EDIL3: variants seen among roughly 807,000 people sequenced by gnomAD.
The protein encoded by EDIL3 is EGF like and discoidin domains 3.
In EDIL3, 37 loss-of-function variants were observed where a neutral mutation model predicts 67.4. That is an observed-to-expected ratio of 0.55 (90% CI 0.42 to 0.72). The LOEUF is 0.72. Among genes scored for constraint, EDIL3 ranks in the 30% least tolerant of loss-of-function variants. The probability of loss-of-function intolerance (pLI) is 0.00; values close to 1 mark genes in which losing one functional copy is unlikely to be tolerated. For synonymous variants in EDIL3, 195 were observed against 196.3 expected, an observed-to-expected ratio of 0.99 and a Z score of 0.05; for missense variants, 527 against 586.3, an observed-to-expected ratio of 0.90 and a Z score of 1.04.
intron 9 of EDIL3, among the ~76,000 whole-genome samples, chr5:83,981,439 A>C (rs1744968916): frequency 6.6e-6 from 1 of 152,128 alleles, no homozygotes; most frequent in East Asian, 1.9e-4. Flanking sequence ...TTTGTAATTT[A>C]ATAAAACAGT....
intron 3 of EDIL3, among the ~76,000 whole-genome samples, chr5:84,188,878 G>T (rs75666346): frequency 0.021 from 3,208 of 152,066 alleles, 115 homozygotes; most frequent in African/African-American, 0.072. Flanking sequence ...AATTTCTGTT[G>T]TTTGATCTAC....
chr5:84,219,254 G>C (rs1176727650), intron 3 of EDIL3, among the ~76,000 whole-genome samples: 1 of 152,074 alleles, frequency 6.6e-6, no homozygotes, highest in Non-Finnish European at 1.5e-5. Context: ...AATAATGAGG[G>C]GAATTTTGGA....
intron 1 of EDIL3, among the ~76,000 whole-genome samples, chr5:84,338,039 T>C (rs1747025185): frequency 6.6e-6 from 1 of 152,296 alleles, no homozygotes; most frequent in African/African-American, 2.4e-5. Context: ...AGTGATCAAA[T>C]AATTGGGCAT....
intron 6 of EDIL3, among the ~76,000 whole-genome samples, chr5:84,090,808 C>T (rs887122354): frequency 4.6e-5 from 7 of 151,524 alleles, no homozygotes; most frequent in Non-Finnish European, 8.8e-5. Context: ...AATAGCTGGG[C>T]GTGGTGGTGC....
intron 4 of EDIL3, among the ~76,000 whole-genome samples, chr5:84,145,652 T>C (rs960140053): frequency 6.6e-5 from 10 of 152,126 alleles, no homozygotes; most frequent in African/African-American, 2.4e-4. Flanking sequence ...GGTAGTAGGA[T>C]GGCTATAATC....
intron 1 of EDIL3, among the ~76,000 whole-genome samples, chr5:84,298,480 C>T (rs1580062342): frequency 6.6e-6 from 1 of 152,152 alleles, no homozygotes; most frequent in South Asian, 2.1e-4. Context: ...CTGTCAGAGG[C>T]TTGGCAGAGA....
chr5:84,298,082 A>G (rs1480487366), intron 1 of EDIL3, among the ~76,000 whole-genome samples: 1 of 152,138 alleles, frequency 6.6e-6, no homozygotes, highest in Non-Finnish European at 1.5e-5. Flanking sequence ...GCTTCTCCCA[A>G]CACTCAGCTT....
At chr5:84,154,036 G>T (rs1748447579) in intron 4 of EDIL3, among the ~76,000 whole-genome samples, 1 of 152,180 alleles carries the variant, frequency 6.6e-6, no homozygotes, top group Non-Finnish European at 1.5e-5. Flanking sequence ...TCAGCTCCCT[G>T]TGTGATCATT....
chr5:84,029,136 A>G (rs1745872425), intron 9 of EDIL3, among the ~76,000 whole-genome samples: 1 of 152,188 alleles, frequency 6.6e-6, no homozygotes, highest in African/African-American at 2.4e-5. Context: ...AGGTGCCTGT[A>G]GTCCCAGCTA....
At chr5:84,259,485 T>C (rs1042667156) in intron 1 of EDIL3, among the ~76,000 whole-genome samples, 18 of 152,232 alleles carry the variant, frequency 1.2e-4, no homozygotes, top group African/African-American at 4.3e-4. Flanking sequence ...ATTCTAACCA[T>C]GTTTTATGGT....
intron 5 of EDIL3, among the ~76,000 whole-genome samples, chr5:84,109,474 C>T (rs1747521019): frequency 6.6e-6 from 1 of 152,022 alleles, no homozygotes; most frequent in Admixed American, 6.6e-5. Flanking sequence ...CCACTGCACT[C>T]CAGTCTGGGT....
intron 2 of EDIL3, among the ~76,000 whole-genome samples, chr5:84,233,457 T>C (rs1744622301): frequency 6.6e-6 from 1 of 152,210 alleles, no homozygotes; most frequent in Non-Finnish European, 1.5e-5. Context: ...TTAGTAGGCT[T>C]ACAGAAAACC....
chr5:84,168,560 T>C (rs572060929), intron 4 of EDIL3, among the ~76,000 whole-genome samples: 24 of 152,210 alleles, frequency 1.6e-4, no homozygotes, highest in African/African-American at 4.1e-4. Flanking sequence ...ATAAGAACAG[T>C]ATATTACGCT....
At chr5:83,951,595 A>G (rs934511618) in intron 10 of EDIL3, among the ~76,000 whole-genome samples, 2 of 151,666 alleles carry the variant, frequency 1.3e-5, no homozygotes, top group African/African-American at 4.8e-5. Context: ...ATAAAAGTCC[A>G]CATTTCCGGC....
chr5:83,947,357 C>CTGTGTG (rs1220301860), intron 10 of EDIL3, among the ~76,000 whole-genome samples: 2 of 132,752 alleles, frequency 1.5e-5, no homozygotes, highest in East Asian at 2.1e-4. Flanking sequence ...ATGTATGTGT[C>CTGTGTG]TGTGTCTGTG....
Position 84,064,799 on chromosome 5 carries a change from AAG to A in EDIL3, c.851_852del (p.Ser284PhefsTer31). The A allele has an allele frequency of 6.2e-7, 1 of 1,613,858 alleles. No homozygotes were observed. The highest frequency in any genetic ancestry group is 8.5e-7 in the Non-Finnish European group (1 of 1,179,810). On this transcript the variant is annotated frameshift_variant, in exon 8 of 11. Transcript: ENST00000296591. LOFTEE classifies it high-confidence loss of function. ...TACTGAGCTTTTATGGGGGGTGTGA[AAG>A]AGTTAGCATATGGAGTGTTGTTATC... ...NIDNNTPYAN[S>X]FTPPIKAQYV... is the part of the protein sequence containing the mutation.
chr5:83,943,378 T>C lies in EDIL3; in HGVS notation c.*41A>G. ...CACAGTTCATTCCATGGAGATACTT[T>C]TAGGGAAATAGGGAAGAGGGTTGTG... On this transcript the variant is annotated 3_prime_UTR_variant, in exon 11 of 11. Transcript: ENST00000296591. 6.2e-7 allele frequency: 1 copy of C among 1,611,466 alleles called. No homozygotes were observed. The highest frequency in any genetic ancestry group is 8.5e-7 in the Non-Finnish European group (1 of 1,178,506).
At chr5:84,245,424 G>A (rs958382072) in intron 2 of EDIL3, among the ~76,000 whole-genome samples, 12 of 152,164 alleles carry the variant, frequency 7.9e-5, no homozygotes, top group African/African-American at 2.6e-4. Flanking sequence ...TTTCTCTGAT[G>A]ATAACATTTC....
At chr5:83,964,879 A>T (rs939356071) in intron 9 of EDIL3, among the ~76,000 whole-genome samples, 2 of 152,020 alleles carry the variant, frequency 1.3e-5, no homozygotes, top group African/African-American at 4.8e-5. Context: ...AGGATGGCAA[A>T]ACTATGATAT....
Sources: gnomAD v4.1 joint callset for allele counts (sites outside exome capture counted in the v4.1 genomes callset) on GRCh38, gnomAD v4.1.1 for gene constraint, MANE v1.5 for transcripts, NCBI Gene and HGNC (gene_info 2026-07-23, HGNC 2026-07-21) for gene names.